NRG3: variants seen among roughly 807,000 people sequenced by gnomAD.
The protein encoded by NRG3 is pro-neuregulin-3, membrane-bound isoform.
In NRG3, 31 loss-of-function variants were observed where a neutral mutation model predicts 66.9. The ratio of observed to expected loss-of-function variants is 0.46; its 90% CI spans 0.35 to 0.63. The LOEUF (loss-of-function observed/expected upper bound fraction) is 0.63, where lower values mean the gene tolerates loss of function less well. Ranked by LOEUF, NRG3 falls within the 20% of genes least tolerant of loss-of-function variation. The pLI is 0.00. For missense variants in NRG3, 910 were observed against 878.9 expected (o/e 1.04, Z -0.45); for synonymous variants, 393 against 359.4 (o/e 1.09, Z -1.06).
intron 2 of NRG3, among the ~76,000 whole-genome samples, chr10:82,696,619 C>T (rs2055405477): frequency 6.6e-6 from 1 of 152,108 alleles, no homozygotes; most frequent in South Asian, 2.1e-4. Context: ...CTCCTAGCAA[C>T]AAGAGTGTTG....
chr10:82,234,859 A>G (rs894195141), intron 1 of NRG3, among the ~76,000 whole-genome samples: 2 of 152,210 alleles, frequency 1.3e-5, no homozygotes, highest in African/African-American at 4.8e-5. Flanking sequence ...TGACCATGCT[A>G]TGCAGCGGGT....
chr10:82,093,426 T>C (rs1188394615), intron 1 of NRG3, among the ~76,000 whole-genome samples: 1 of 152,190 alleles, frequency 6.6e-6, no homozygotes, highest in Non-Finnish European at 1.5e-5. Context: ...TTATGAGAAA[T>C]TGTAGTTAAA....
At chr10:82,186,824 G>A (rs1564643127) in intron 1 of NRG3, among the ~76,000 whole-genome samples, 1 of 152,130 alleles carries the variant, frequency 6.6e-6, no homozygotes, top group Non-Finnish European at 1.5e-5. Flanking sequence ...AAGATTCTGA[G>A]GCTTTGAGAT....
chr10:82,562,803 G>A (rs61864249), intron 2 of NRG3, among the ~76,000 whole-genome samples: 1 of 149,808 alleles, frequency 6.7e-6, no homozygotes, highest in Non-Finnish European at 1.5e-5. Flanking sequence ...ATTTCTAGCT[G>A]TAAGGGCAAG....
chr10:82,729,549 A>G (rs1317383921), intron 2 of NRG3, among the ~76,000 whole-genome samples: 1 of 152,152 alleles, frequency 6.6e-6, no homozygotes, highest in Non-Finnish European at 1.5e-5. Flanking sequence ...CCTGAAGTGT[A>G]CAGGGTGTTC....
intron 1 of NRG3, among the ~76,000 whole-genome samples, chr10:82,251,572 C>T (rs188187524): frequency 6.6e-6 from 1 of 152,300 alleles, no homozygotes; most frequent in Admixed American, 6.5e-5. Flanking sequence ...CCTGCTTGGC[C>T]TGAGAAGCAT....
chr10:82,336,529 C>CTTTTTTTTTTTTTTTTTTT (rs11345974), intron 1 of NRG3, among the ~76,000 whole-genome samples: 1 of 137,826 alleles, frequency 7.3e-6, no homozygotes, highest in African/African-American at 2.7e-5. Flanking sequence ...CTTTTCTTTT[C>CTTTTTTTTTTTTTTTTTTT]TTTTTTTTTT....
intron 2 of NRG3, among the ~76,000 whole-genome samples, chr10:82,685,770 T>G (rs2054465374): frequency 6.6e-6 from 1 of 152,212 alleles, no homozygotes; most frequent in Non-Finnish European, 1.5e-5. Context: ...TATTATAAGC[T>G]TCTTTCTATG....
At chr10:82,055,761 G>A (rs2063816333) in intron 1 of NRG3, among the ~76,000 whole-genome samples, 1 of 152,038 alleles carries the variant, frequency 6.6e-6, no homozygotes, top group Admixed American at 6.6e-5. Context: ...GAAAGAGAAG[G>A]GGAGTTAATA....
chr10:82,124,860 A>G (rs2068329639), intron 1 of NRG3, among the ~76,000 whole-genome samples: 1 of 152,008 alleles, frequency 6.6e-6, no homozygotes, highest in Non-Finnish European at 1.5e-5. Flanking sequence ...TTGACACAGC[A>G]AAACATCATA....
chr10:82,040,625 G>A lies in NRG3; in HGVS notation c.823+164462G>A, dbSNP rs551119641. On this transcript the variant is annotated intron_variant, in intron 1 of 8. Coordinates refer to ENST00000372141, the MANE Select transcript of NRG3 (RefSeq NM_001010848.4). ...CAGTGGCAGGCTTTCTAAAGAATAA[G>A]GCAGGAGAAGAACCCCACAGAGATG... Among the ~76,000 whole-genome samples the A allele has an allele frequency of 1.8e-4, 27 of 152,014 alleles. No individual in the cohort carries two copies. In the South Asian group the frequency reaches 5.4e-3, roughly 30 times the overall value.
In NRG3 at chr10:82,722,781, C is replaced by T. The variant is rs564153663; in HGVS notation, c.954-15796C>T. On this transcript the variant is annotated intron_variant, in intron 2 of 8. Transcript: ENST00000372141. ...TAATGAGAATGAAAGTCATTTACTC[C>T]GCACCCCACTTCTTCTGTCTCCTCC... is the stretch of plus-strand genomic sequence containing the variant. Among the ~76,000 whole-genome samples the T allele has an allele frequency of 4.6e-5, 7 of 152,210 alleles. No individual in the cohort carries two copies. The South Asian group carries it at 1.2e-3, about 27-fold the overall frequency.
intron 2 of NRG3, among the ~76,000 whole-genome samples, chr10:82,683,738 A>G (rs2054290319): frequency 1.3e-5 from 2 of 152,244 alleles, no homozygotes. Flanking sequence ...GTGTGCTCAT[A>G]TATTTTAGTA....
chr10:82,084,625 T>C (rs1009330677), intron 1 of NRG3, among the ~76,000 whole-genome samples: 3 of 152,098 alleles, frequency 2.0e-5, no homozygotes, highest in Non-Finnish European at 4.4e-5. Context: ...TAGAAGCATG[T>C]ATTCTTGTCA....
At chr10:82,235,168 T>C (rs775913102) in intron 1 of NRG3, among the ~76,000 whole-genome samples, 6 of 152,238 alleles carry the variant, frequency 3.9e-5, no homozygotes, top group Non-Finnish European at 7.3e-5. Context: ...CCAGTTGTTT[T>C]TGTAAGCAAC....
chr10:82,340,935 A>G lies in NRG3; in HGVS notation c.824-17804A>G, dbSNP rs554252948. ...GTAAGACCTATTTTTTGATAGCACA[A>G]CAGGGTGACTATAGTCAATAATAAT... On this transcript the variant is annotated intron_variant, in intron 1 of 8. Coordinates refer to ENST00000372141, the MANE Select transcript of NRG3 (RefSeq NM_001010848.4). 421 of 152,314 alleles carry G rather than the reference A, an allele frequency of 2.8e-3. 2 individuals carry two copies. The highest frequency in any genetic ancestry group is 1.0e-2 in the African/African-American group (415 of 41,586). The allele number at this position is 152,314 out of a possible 1,614,324, so 9.4% of individuals were successfully genotyped here.
chr10:82,603,348 A>G (rs1278061766), intron 2 of NRG3, among the ~76,000 whole-genome samples: 4 of 152,210 alleles, frequency 2.6e-5, no homozygotes, highest in African/African-American at 9.6e-5. Flanking sequence ...ATATTGTATC[A>G]TGAGTAAGGT....
chr10:82,609,845 AT>A, intron 2 of NRG3, among the ~76,000 whole-genome samples: 1 of 152,230 alleles, frequency 6.6e-6, no homozygotes, highest in East Asian at 1.9e-4. Flanking sequence ...TTAGTTTTCC[AT>A]TTATATCACA....
At chr10:81,946,039 C>T (rs1646630248) in intron 1 of NRG3, among the ~76,000 whole-genome samples, 1 of 152,142 alleles carries the variant, frequency 6.6e-6, no homozygotes, top group South Asian at 2.1e-4. Context: ...TTTTCTGAGG[C>T]GGAGTCTTGC....
Sources: gnomAD v4.1 joint callset for allele counts (sites outside exome capture counted in the v4.1 genomes callset) on GRCh38, gnomAD v4.1.1 for gene constraint, MANE v1.5 for transcripts, NCBI Gene and HGNC (gene_info 2026-07-23, HGNC 2026-07-21) for gene names.